Variants in STK32B observed in about 807,000 individuals in gnomAD.
The protein encoded by STK32B is serine/threonine kinase 32B.
In STK32B, 43 loss-of-function variants were observed where a neutral mutation model predicts 52.6. The observed-to-expected ratio is 0.82, with a 90% CI of 0.64 to 1.05. The LOEUF is 1.05. Ranked by LOEUF, STK32B falls within the 50% of genes least tolerant of loss-of-function variation. STK32B has a pLI of 0.00. For synonymous variants in STK32B, 238 were observed against 204.3 expected (o/e 1.17, Z -1.41); for missense variants, 621 against 534.6 (o/e 1.16, Z -1.59).
intron 11 of STK32B, among the ~76,000 whole-genome samples, chr4:5,490,031 T>A (rs576819627): frequency 1.3e-5 from 2 of 152,302 alleles, no homozygotes; most frequent in South Asian, 4.1e-4. Context: ...GGTTTACAAT[T>A]GATGGTTGGA....
At chr4:5,341,332 G>T (rs1050158738) in intron 4 of STK32B, among the ~76,000 whole-genome samples, 1 of 152,100 alleles carries the variant, frequency 6.6e-6, no homozygotes, top group African/African-American at 2.4e-5. Context: ...ACACCTTGTT[G>T]CCTCCCCAGA....
chr4:5,019,546 G>T, the STK32B span: 1 of 1,291,150 alleles, frequency 7.7e-7, no homozygotes, highest in Non-Finnish European at 1.0e-6. Flanking sequence ...GCCAGCGCAG[G>T]CTGCGGTCCA....
intron 9 of STK32B, among the ~76,000 whole-genome samples, chr4:5,462,268 A>ATG (rs565663462): frequency 7.7e-5 from 11 of 142,236 alleles, no homozygotes; most frequent in Middle Eastern, 3.8e-3. Flanking sequence ...TTGTGTCTGT[A>ATG]TGTGTGTGTG....
chr4:5,444,200 C>T (rs917293976), intron 6 of STK32B, among the ~76,000 whole-genome samples: 7 of 152,210 alleles, frequency 4.6e-5, no homozygotes, highest in African/African-American at 1.7e-4. Context: ...CTCCCCCAGC[C>T]TCGCTGCCGC....
At chr4:5,476,539 A>G (rs1019549634) in intron 11 of STK32B, among the ~76,000 whole-genome samples, 4 of 151,988 alleles carry the variant, frequency 2.6e-5, no homozygotes, top group Non-Finnish European at 5.9e-5. Flanking sequence ...TGCTTAATCT[A>G]GCTATCACAC....
At chr4:5,283,361 T>C (rs1231097572) in intron 3 of STK32B, among the ~76,000 whole-genome samples, 1 of 152,092 alleles carries the variant, frequency 6.6e-6, no homozygotes, top group Non-Finnish European at 1.5e-5. Context: ...ATGGGAATTA[T>C]GAGACACCAT....
At chr4:5,253,686 A>C (rs1422107284) in intron 3 of STK32B, among the ~76,000 whole-genome samples, 1 of 150,740 alleles carries the variant, frequency 6.6e-6, no homozygotes, top group Non-Finnish European at 1.5e-5. Flanking sequence ...GCAGAGTTTC[A>C]GTTTTGCAAG....
At chr4:5,157,063 A>G (rs1717913969) in intron 2 of STK32B, among the ~76,000 whole-genome samples, 1 of 152,176 alleles carries the variant, frequency 6.6e-6, no homozygotes, top group Non-Finnish European at 1.5e-5. Flanking sequence ...CCATTTGGGA[A>G]TTAGCAGGAA....
intron 6 of STK32B, among the ~76,000 whole-genome samples, chr4:5,441,501 T>A (rs1372548352): frequency 6.6e-6 from 1 of 151,218 alleles, no homozygotes; most frequent in Non-Finnish European, 1.5e-5. Context: ...TCTTTTTTTC[T>A]TTATTAGTCT....
intron 3 of STK32B, among the ~76,000 whole-genome samples, chr4:5,210,566 T>C (rs1577197616): frequency 2.6e-5 from 4 of 152,292 alleles, no homozygotes; most frequent in African/African-American, 2.4e-5. Flanking sequence ...ACTCTACTTG[T>C]GGGCTTATGT....
At chr4:5,353,235 C>T (rs1733952122) in intron 4 of STK32B, among the ~76,000 whole-genome samples, 1 of 151,824 alleles carries the variant, frequency 6.6e-6, no homozygotes, top group South Asian at 2.1e-4. Flanking sequence ...CATCTCTCAC[C>T]ATATACAAAA....
At chr4:5,425,058 C>T (rs1258842280) in intron 6 of STK32B, among the ~76,000 whole-genome samples, 1 of 152,246 alleles carries the variant, frequency 6.6e-6, no homozygotes, top group Non-Finnish European at 1.5e-5. Flanking sequence ...GCTGTTCACC[C>T]CGCCACAGCC....
At chr4:5,482,677 G>A (rs1437445636) in intron 11 of STK32B, among the ~76,000 whole-genome samples, 3 of 152,142 alleles carry the variant, frequency 2.0e-5, no homozygotes, top group African/African-American at 7.2e-5. Flanking sequence ...TTTTCAAAGG[G>A]AATGCTTCCA....
At chr4:5,180,381 C>A (rs985274817) in intron 3 of STK32B, among the ~76,000 whole-genome samples, 1 of 152,212 alleles carries the variant, frequency 6.6e-6, no homozygotes, top group Non-Finnish European at 1.5e-5. Flanking sequence ...CTACCCTTAT[C>A]CTACCATTTT....
At chr4:5,355,515 TATG>T (rs1734115080) in intron 4 of STK32B, among the ~76,000 whole-genome samples, 1 of 152,204 alleles carries the variant, frequency 6.6e-6, no homozygotes. Flanking sequence ...TGTCAGAACT[TATG>T]ATGAGATTCT....
At chr4:5,287,561 C>T (rs973960523) in intron 3 of STK32B, among the ~76,000 whole-genome samples, 4 of 152,076 alleles carry the variant, frequency 2.6e-5, no homozygotes, top group African/African-American at 9.7e-5. Context: ...AGTGAAATGT[C>T]TCCTTTTCAT....
the STK32B span, among the ~76,000 whole-genome samples, chr4:5,041,914 T>G: frequency 6.6e-6 from 1 of 152,024 alleles, no homozygotes; most frequent in African/African-American, 2.4e-5. Flanking sequence ...TTAAATAAAA[T>G]AGGCTTAACA....
At position 5,395,780 on chromosome 4, in the gene STK32B, C is replaced by G. The variant is rs1180562627; in HGVS notation, c.435-2427C>G. On this transcript the variant is annotated intron_variant, in intron 4 of 11. Coordinates refer to ENST00000282908, the MANE Select transcript of STK32B (RefSeq NM_018401.3). The surrounding 1 kb of genome is among the most constrained non-coding windows in gnomAD (Gnocchi z 4.4). ...AACTGAAGCAGAGGCAGAGATCATG[C>G]AGGTAGTCAAAAGTGAGACTGGAGT... 6.6e-6 allele frequency among the ~76,000 whole-genome samples: 1 copy of G among 152,240 alleles called. No individual in the cohort carries two copies. The highest frequency in any genetic ancestry group is 1.5e-5 in the Non-Finnish European group (1 of 68,044).
At chr4:5,440,047 A>G (rs2109106982) in intron 6 of STK32B, among the ~76,000 whole-genome samples, 1 of 152,190 alleles carries the variant, frequency 6.6e-6, no homozygotes, top group Non-Finnish European at 1.5e-5. Context: ...TGATGCCTCC[A>G]GCTTTGTTCT....
Sources: gnomAD v4.1 joint callset for allele counts (sites outside exome capture counted in the v4.1 genomes callset) on GRCh38, gnomAD v4.1.1 for gene constraint, Gnocchi (gnomAD v3.1) non-coding constraint, MANE v1.5 for transcripts, NCBI Gene and HGNC (gene_info 2026-07-23, HGNC 2026-07-21) for gene names.